The following PLXNA2 variants were observed in gnomAD, a reference collection of about 807,000 sequenced individuals.
PLXNA2 encodes plexin-A2.
A neutral mutation model predicts 193.5 loss-of-function variants in PLXNA2; 91 were observed. That is an observed-to-expected ratio of 0.47 (90% CI 0.40 to 0.56). PLXNA2 has a LOEUF of 0.56. PLXNA2 is among the 20% of genes least tolerant of loss of function. The pLI is 0.00. For missense variants in PLXNA2, 1,995 were observed against 2,503.2 expected (o/e 0.80, Z 4.33); for synonymous variants, 997 against 1,027.3 (o/e 0.97, Z 0.56).
Position 208,031,773 on chromosome 1 carries a change from G to A in PLXNA2, c.5056-14C>T. On this transcript the variant is annotated splice_polypyrimidine_tract_variant and intron_variant, in intron 28 of 31. Coordinates refer to ENST00000367033, the MANE Select transcript of PLXNA2 (RefSeq NM_025179.4). The stretch of plus-strand genomic sequence containing the variant: ...CTGCAGGGTGCCCTGGAGGAGGGGT[G>A]GGGGAGAGTAAGATGGAGGGGGGTG... The A allele has an allele frequency of 6.3e-7, 1 of 1,585,630 alleles. No individual in the cohort carries two copies.
At position 208,045,125 on chromosome 1, in the gene PLXNA2, A is replaced by G; in HGVS notation, c.3581T>C (p.Val1194Ala). ...LIGETPCAVT[V>A]SETQLLCEPP... ...CTCGCAGAGAAGCTGGGTCTCAGAT[A>G]CGGTGACAGCACAAGGGGTCTCTCC... The change falls in exon 19 of 32, where the codon GTA (valine) becomes GCA (alanine). Residue 1194 changes from valine to alanine, a missense_variant. Val to Ala is a moderately conservative substitution (Grantham distance 64). Transcript: ENST00000367033. The G allele has an allele frequency of 4.3e-6, 7 of 1,614,164 alleles. No homozygotes were observed. Among genetic ancestry groups the G allele is most frequent in the Non-Finnish European group, 5.1e-6 (6 of 1,180,016 alleles).
chr1:208,187,825 G>A (rs952668995), intron 3 of PLXNA2, among the ~76,000 whole-genome samples: 2 of 152,238 alleles, frequency 1.3e-5, no homozygotes, highest in Non-Finnish European at 2.9e-5. Context: ...AGGTAGCAGA[G>A]AGAAGGCAGC....
Position 208,230,957 on chromosome 1 carries a change from G to A in PLXNA2, c.-81+12686C>T, listed in dbSNP as rs147453935. ...AGGGGTGGCTGGAACTCTGGGCAGA[G>A]GTCTGACCACTTAAAGGTCTTTTCT... On this transcript the variant is annotated intron_variant, in intron 1 of 31. Coordinates refer to ENST00000367033, the MANE Select transcript of PLXNA2 (RefSeq NM_025179.4). Among the ~76,000 whole-genome samples, 15 of 152,308 alleles carry A rather than the reference G, an allele frequency of 9.8e-5. No individual in the cohort carries two copies. In the East Asian group the frequency reaches 2.1e-3, roughly 22 times the overall value.
chr1:208,200,968 A>G (rs1257643554), intron 3 of PLXNA2, among the ~76,000 whole-genome samples: 1 of 152,190 alleles, frequency 6.6e-6, no homozygotes, highest in Non-Finnish European at 1.5e-5. Context: ...ATCAAAGAGA[A>G]TTTGGGACTG....
intron 3 of PLXNA2, among the ~76,000 whole-genome samples, chr1:208,194,837 T>G (rs1469657246): frequency 6.6e-6 from 1 of 152,216 alleles, no homozygotes; most frequent in Non-Finnish European, 1.5e-5. Flanking sequence ...AGAATTTGGT[T>G]TTCTTTTCCC....
At position 208,127,732 on chromosome 1, in the gene PLXNA2, A is replaced by G. The variant is rs114006539; in HGVS notation, c.1506+14597T>C. Among the ~76,000 whole-genome samples the G allele has an allele frequency of 1.0e-2, 1,518 of 152,338 alleles. 14 individuals carry two copies. Among genetic ancestry groups the G allele is most frequent in the Non-Finnish European group, 0.014 (948 of 68,036 alleles). On this transcript the variant is annotated intron_variant, in intron 4 of 31. Transcript: ENST00000367033. ...AGTTGGATGAGGGGCCAAGAGAGAG[A>G]GTATGCTGCTGACTTACGGAGTAAC...
At position 208,043,213 on chromosome 1, in the gene PLXNA2, T is replaced by C; in HGVS notation, c.3875-10A>G. 6.2e-7 allele frequency: 1 copy of C among 1,610,690 alleles called. No homozygotes were observed. The highest frequency in any genetic ancestry group is 8.5e-7 in the Non-Finnish European group (1 of 1,177,532). On this transcript the variant is annotated splice_polypyrimidine_tract_variant and intron_variant, in intron 20 of 31. Coordinates refer to ENST00000367033, the MANE Select transcript of PLXNA2 (RefSeq NM_025179.4). ...TGGAGCTCAGCAAAAGCTATGAGAA[T>C]AAGCAGACGGAGAGGCTCGTGGGGA...
In PLXNA2 at chr1:208,103,140, A is replaced by G. The variant is rs771639278; in HGVS notation, c.1607+7T>C. 2.5e-5 allele frequency: 41 copies of G among 1,610,072 alleles called. No individual in the cohort carries two copies. Among genetic ancestry groups the G allele is most frequent in the African/African-American group, 8.0e-5 (6 of 74,814 alleles). ...CCAAACCCTTTTCCAGTATACCCCAAACTTACATGTTGTGCAGGGCACACC... is the reference window on the plus strand; with the variant it reads ...CCAAACCCTTTTCCAGTATACCCCAGACTTACATGTTGTGCAGGGCACACC... On this transcript the variant is annotated splice_region_variant and intron_variant, in intron 5 of 31. Coordinates refer to ENST00000367033, the MANE Select transcript of PLXNA2 (RefSeq NM_025179.4).
chr1:208,184,515 G>A (rs1356588858), intron 3 of PLXNA2, among the ~76,000 whole-genome samples: 1 of 152,106 alleles, frequency 6.6e-6, no homozygotes, highest in Non-Finnish European at 1.5e-5. Context: ...ACACCCCAGG[G>A]CCTCTACAGG....
At chr1:208,125,235 C>T (rs1667937807) in intron 4 of PLXNA2, among the ~76,000 whole-genome samples, 1 of 152,162 alleles carries the variant, frequency 6.6e-6, no homozygotes, top group East Asian at 1.9e-4. Flanking sequence ...CAGGAACTAA[C>T]ACAATGCGTT....
Position 208,098,901 on chromosome 1 carries a change from C to A in PLXNA2, c.1676G>T (p.Cys559Phe). 2.5e-6 allele frequency: 4 copies of A among 1,614,020 alleles called. No homozygotes were observed. Among genetic ancestry groups the A allele is most frequent in the Non-Finnish European group, 3.4e-6 (4 of 1,180,000 alleles). Residue 559 changes from cysteine to phenylalanine, a missense_variant, in exon 6 of 32, where the codon TGT (cysteine) becomes TTT (phenylalanine). Cys to Phe is a radical substitution (Grantham distance 205, BLOSUM62 -2). Transcript: ENST00000367033. Reference protein sequence around the residue: ...PNRFAASISQCVSLAVHPSSI... With the variant: ...PNRFAASISQFVSLAVHPSSI... ...GCTGGGATGCACTGCAAGGCTCACA[C>A]ACTGGCTGATGCTGGCAGCAAATCG...
At chr1:208,185,233 T>TG (rs1669958129) in intron 3 of PLXNA2, among the ~76,000 whole-genome samples, 1 of 152,098 alleles carries the variant, frequency 6.6e-6, no homozygotes, top group Admixed American at 6.5e-5. Context: ...GTCCAGGAGG[T>TG]GGGGCCTCTC....
At chr1:208,184,413 C>T (rs1453670304) in intron 3 of PLXNA2, among the ~76,000 whole-genome samples, 1 of 150,836 alleles carries the variant, frequency 6.6e-6, no homozygotes. Context: ...CCCTTCTCCA[C>T]CCCCTGCTTA....
In PLXNA2 at chr1:208,074,645, A is replaced by C. The variant is rs549491663; in HGVS notation, c.2586+4615T>G. Among the ~76,000 whole-genome samples the C allele has an allele frequency of 2.0e-5, 3 of 152,320 alleles. No individual in the cohort carries two copies. In the East Asian group the frequency reaches 5.8e-4, roughly 29 times the overall value. On this transcript the variant is annotated intron_variant, in intron 12 of 31. Transcript: ENST00000367033. The stretch of plus-strand genomic sequence containing the variant: ...ACAGCTGTTTATCTAACTATGCGTG[A>C]GCCCACTTCTTTTTCTAACGTAGAA...
intron 8 of PLXNA2, among the ~76,000 whole-genome samples, chr1:208,094,318 T>C (rs1666807296): frequency 6.6e-6 from 1 of 152,142 alleles, no homozygotes; most frequent in South Asian, 2.1e-4. Flanking sequence ...TTACAGCAAA[T>C]TATTAAAAGG....
rs546680256 is a variant in PLXNA2 at position 208,217,986 on chromosome 1, T to C, written c.-64A>G. ...TGCTCATCTGCTCCACCTTCCCCGG[T>C]TGGCCCTCACATGATTCTGCAAAAC... On this transcript the variant is annotated 5_prime_UTR_variant, in exon 2 of 32. Transcript: ENST00000367033. This position sits in a 1 kb window ranked among gnomAD's most constrained non-coding sequence, Gnocchi z 4.7. 1.4e-4 allele frequency: 215 copies of C among 1,575,758 alleles called. 2 individuals are homozygous for C. In the East Asian group the frequency reaches 3.7e-3, roughly 27 times the overall value.
intron 3 of PLXNA2, among the ~76,000 whole-genome samples, chr1:208,166,113 T>C (rs979967112): frequency 5.9e-5 from 9 of 152,170 alleles, no homozygotes; most frequent in Non-Finnish European, 1.2e-4. Context: ...GCAGATTATG[T>C]TTCTCACATT....
At chr1:208,031,820 T>A in intron 28 of PLXNA2, 61 bp from the exon 29 acceptor site, 1 of 1,396,368 alleles carries the variant, frequency 7.2e-7, no homozygotes, top group Non-Finnish European at 9.9e-7. Context: ...CAGACAGGCA[T>A]ACCAGATGGT....
chr1:208,056,576 C>T (rs1049825874), intron 13 of PLXNA2, among the ~76,000 whole-genome samples: 3 of 152,150 alleles, frequency 2.0e-5, no homozygotes, highest in Admixed American at 2.0e-4. Flanking sequence ...CACACTGTCT[C>T]TTCTAGGACA....
Sources: gnomAD v4.1 joint callset for allele counts (sites outside exome capture counted in the v4.1 genomes callset) on GRCh38, gnomAD v4.1.1 for gene constraint, Gnocchi (gnomAD v3.1) non-coding constraint, MANE v1.5 for transcripts, NCBI Gene and HGNC (gene_info 2026-07-23, HGNC 2026-07-21) for gene names.